KDM4B: variants seen among roughly 807,000 people sequenced by gnomAD.
The protein encoded by KDM4B is lysine demethylase 4B, also known as lysine-specific demethylase 4B.
A neutral mutation model predicts 125.2 loss-of-function variants in KDM4B; 32 were observed. The observed-to-expected ratio is 0.26, with a 90% CI of 0.19 to 0.34. KDM4B has a LOEUF of 0.34. Among genes scored for constraint, KDM4B ranks in the 10% least tolerant of loss-of-function variants. The probability of loss-of-function intolerance (pLI) is 1.00; values close to 1 mark genes in which losing one functional copy is unlikely to be tolerated. For synonymous variants in KDM4B, 721 were observed against 677.9 expected (o/e 1.06, Z -0.99); for missense variants, 1,190 against 1,577.7 (o/e 0.75, Z 4.16).
chr19:5,000,399 G>A (rs996147614), intron 1 of KDM4B, among the ~76,000 whole-genome samples: 6 of 149,534 alleles, frequency 4.0e-5, no homozygotes, highest in South Asian at 2.1e-4. Context: ...CCATCTGTCT[G>A]TCCATCCATC....
intron 1 of KDM4B, among the ~76,000 whole-genome samples, chr19:4,969,694 G>A (rs1276039645): frequency 6.6e-6 from 1 of 151,770 alleles, no homozygotes; most frequent in Non-Finnish European, 1.5e-5. Flanking sequence ...CCCCGCCTGC[G>A]TTTCTGGCCC....
At chr19:5,117,175 G>GC (rs1339855066) in intron 10 of KDM4B, among the ~76,000 whole-genome samples, 1 of 152,184 alleles carries the variant, frequency 6.6e-6, no homozygotes, top group African/African-American at 2.4e-5. Flanking sequence ...CAAGGATGAG[G>GC]CCCCAGAGCT....
intron 11 of KDM4B, among the ~76,000 whole-genome samples, chr19:5,124,689 A>G (rs958030800): frequency 9.2e-5 from 14 of 152,248 alleles, no homozygotes; most frequent in African/African-American, 3.1e-4. Context: ...TCTACCTCCC[A>G]GGTTCAAACG....
intron 6 of KDM4B, chr19:5,070,510 T>A (rs1362774465): frequency 6.5e-6 from 1 of 153,304 alleles, no homozygotes; most frequent in Admixed American, 6.5e-5. Context: ...CTTTTCTCAT[T>A]TCCAAAGCTG....
intron 6 of KDM4B, among the ~76,000 whole-genome samples, chr19:5,053,587 G>T (rs916627051): frequency 6.6e-6 from 1 of 152,200 alleles, no homozygotes; most frequent in African/African-American, 2.4e-5. Flanking sequence ...ACTGAGACCC[G>T]CTGCAGTGGC....
chr19:4,993,622 T>G (rs1421899891), intron 1 of KDM4B, among the ~76,000 whole-genome samples: 2 of 152,154 alleles, frequency 1.3e-5, no homozygotes, highest in Non-Finnish European at 2.9e-5. Flanking sequence ...TTGTTTGTTT[T>G]TTTTTTGAGA....
In KDM4B at chr19:5,044,161, C is replaced by T. The variant is rs146289294; in HGVS notation, c.432+2910C>T. 1.8e-3 allele frequency among the ~76,000 whole-genome samples: 176 copies of T among 98,130 alleles called. 2 individuals carry two copies. The highest frequency in any genetic ancestry group is 6.7e-3 in the African/African-American group (151 of 22,390). 64.4% of individuals were successfully genotyped at this position (98,130 alleles called of 152,430 possible). ...CCACCTTATCCCACGCGGTGTTTAT[C>T]GGAGTGGGGTGTCCACCTTATCCCA... On this transcript the variant is annotated intron_variant, in intron 5 of 22. Transcript: ENST00000159111.
chr19:5,075,733 C>T (rs921728225), intron 7 of KDM4B: 1 of 152,400 alleles, frequency 6.6e-6, no homozygotes, highest in African/African-American at 2.4e-5. Flanking sequence ...TGTACGCAGC[C>T]CACCATGCTG....
chr19:5,066,459 G>T (rs1417086225), intron 6 of KDM4B, among the ~76,000 whole-genome samples: 2 of 152,174 alleles, frequency 1.3e-5, no homozygotes, highest in Non-Finnish European at 2.9e-5. Context: ...GGGCCTAGGA[G>T]CTAGTACACT....
At chr19:5,018,869 C>T (rs968428533) in intron 2 of KDM4B, among the ~76,000 whole-genome samples, 4 of 152,254 alleles carry the variant, frequency 2.6e-5, no homozygotes, top group African/African-American at 9.6e-5. Context: ...CAGAGTTCAT[C>T]CACTCCGTGG....
chr19:5,071,942 G>A (rs377609326), intron 7 of KDM4B, among the ~76,000 whole-genome samples: 115 of 152,336 alleles, frequency 7.5e-4, no homozygotes, highest in African/African-American at 2.7e-3. Flanking sequence ...TTGGCAGGTG[G>A]ACAGCTTGGG....
intron 18 of KDM4B, among the ~76,000 whole-genome samples, chr19:5,138,855 C>T (rs1162495516): frequency 2.0e-5 from 3 of 152,210 alleles, no homozygotes. Context: ...CAGCACTCTG[C>T]TTCTGTGTGT....
intron 6 of KDM4B, among the ~76,000 whole-genome samples, chr19:5,048,606 G>C (rs1219506464): frequency 6.6e-6 from 1 of 152,140 alleles, no homozygotes; most frequent in Non-Finnish European, 1.5e-5. Context: ...GGGGAGAGGG[G>C]GGGGCGGGGG....
At chr19:5,143,329 A>G (rs1379154200) in intron 18 of KDM4B, among the ~76,000 whole-genome samples, 4 of 151,264 alleles carry the variant, frequency 2.6e-5, no homozygotes, top group Non-Finnish European at 5.9e-5. Flanking sequence ...AAAAAAAAAA[A>G]GAAAAAATCC....
intron 2 of KDM4B, among the ~76,000 whole-genome samples, chr19:5,024,612 C>T (rs1194364422): frequency 3.3e-5 from 5 of 151,794 alleles, no homozygotes; most frequent in Non-Finnish European, 4.4e-5. Flanking sequence ...AGGCCTGGCC[C>T]GTGGTGTGCA....
intron 9 of KDM4B, among the ~76,000 whole-genome samples, chr19:5,090,678 C>T (rs2038681802): frequency 7.4e-6 from 1 of 135,046 alleles, no homozygotes; most frequent in East Asian, 2.1e-4. Flanking sequence ...CCGACAGTAC[C>T]ACCCTCCATC....
intron 2 of KDM4B, among the ~76,000 whole-genome samples, chr19:5,030,508 C>T (rs892771560): frequency 6.6e-5 from 10 of 152,192 alleles, no homozygotes; most frequent in African/African-American, 2.4e-4. Flanking sequence ...TTGAGGGCTT[C>T]CTGGGAGCTG....
chr19:5,125,383 C>G (rs953753957), intron 11 of KDM4B, among the ~76,000 whole-genome samples: 1 of 152,264 alleles, frequency 6.6e-6, no homozygotes, highest in African/African-American at 2.4e-5. Flanking sequence ...CCTCCCCATG[C>G]GTGGTCCTGG....
intron 10 of KDM4B, among the ~76,000 whole-genome samples, chr19:5,111,091 C>T (rs1410495642): frequency 1.3e-5 from 2 of 152,218 alleles, no homozygotes; most frequent in Non-Finnish European, 2.9e-5. Flanking sequence ...CCCGCGGGCT[C>T]CCCATACTCC....
Sources: allele counts gnomAD v4.1 joint callset (sites outside exome capture counted in the v4.1 genomes callset), GRCh38; gene constraint gnomAD v4.1.1; transcripts MANE v1.5; gene names NCBI Gene and HGNC (gene_info 2026-07-23, HGNC 2026-07-21).